PAPPA2: variants seen among roughly 807,000 people sequenced by gnomAD.
PAPPA2 encodes pappalysin-2.
In PAPPA2, 86 loss-of-function variants were observed where a neutral mutation model predicts 176.4. The ratio of observed to expected loss-of-function variants is 0.49; its 90% confidence interval spans 0.41 to 0.58. The LOEUF is 0.58. PAPPA2 is among the 20% of genes least tolerant of loss of function. The pLI is 0.00. For missense variants in PAPPA2, 2,073 were observed against 2,256.9 expected, an observed-to-expected ratio of 0.92 and a Z score of 1.65; for synonymous variants, 809 against 852.2, an observed-to-expected ratio of 0.95 and a Z score of 0.88.
intron 1 of PAPPA2, among the ~76,000 whole-genome samples, chr1:176,471,494 A>G (rs1195621021): frequency 6.6e-6 from 1 of 151,732 alleles, no homozygotes; most frequent in East Asian, 2.0e-4. Flanking sequence ...ATGGATTGTT[A>G]TAAGGCAAGC....
chr1:176,551,940 C>A (rs760151286), intron 1 of PAPPA2, among the ~76,000 whole-genome samples: 6 of 152,024 alleles, frequency 3.9e-5, no homozygotes, highest in Non-Finnish European at 7.4e-5. Flanking sequence ...GGAGGGAAAG[C>A]GGAGGGAAGA....
chr1:176,798,996 T>C (rs767555578), intron 20 of PAPPA2, among the ~76,000 whole-genome samples: 11 of 152,348 alleles, frequency 7.2e-5, no homozygotes, highest in African/African-American at 2.4e-4. Flanking sequence ...TATTAGCATA[T>C]GTGAATGTCT....
intron 14 of PAPPA2, among the ~76,000 whole-genome samples, chr1:176,743,974 T>C (rs955566309): frequency 6.6e-6 from 1 of 152,230 alleles, no homozygotes; most frequent in African/African-American, 2.4e-5. Flanking sequence ...TTTTGACTAC[T>C]CTACTCATCT....
chr1:176,621,112 A>T (rs1655568437), intron 3 of PAPPA2, among the ~76,000 whole-genome samples: 1 of 152,154 alleles, frequency 6.6e-6, no homozygotes, highest in Non-Finnish European at 1.5e-5. Context: ...GACTAAAAGG[A>T]AGCATAACTA....
At chr1:176,735,023 G>A (rs972859728) in intron 12 of PAPPA2, among the ~76,000 whole-genome samples, 3 of 152,054 alleles carry the variant, frequency 2.0e-5, no homozygotes, top group Non-Finnish European at 4.4e-5. Context: ...ACATAATACA[G>A]AGCTTAAATT....
In PAPPA2 at chr1:176,710,304, C is replaced by T. The variant is rs1427207073; in HGVS notation, c.3651+128C>T. The stretch of plus-strand genomic sequence containing the variant: ...GTAAGGAGTTAGAAGCCCTAGGGAA[C>T]ATTACTGGATCTGCCAGCATTGCTA... On this transcript the variant is annotated intron_variant, in intron 11 of 22. Transcript: ENST00000367662. 10 of 798,482 alleles carry T rather than the reference C, an allele frequency of 1.3e-5. No homozygotes were observed. In the African/African-American group the frequency reaches 1.6e-4, roughly 12 times the overall value. 49.5% of individuals were successfully genotyped at this position (798,482 alleles called of 1,614,324 possible). A position where few individuals can be genotyped will look rare whatever the true frequency, so the allele number is the denominator to read the frequency against.
At chr1:176,786,603 C>G (rs1664943592) in intron 17 of PAPPA2, among the ~76,000 whole-genome samples, 1 of 152,206 alleles carries the variant, frequency 6.6e-6, no homozygotes, top group Non-Finnish European at 1.5e-5. Context: ...CACAGGTCAT[C>G]TGAGTGCTCA....
intron 1 of PAPPA2, among the ~76,000 whole-genome samples, chr1:176,477,311 A>G (rs948639384): frequency 6.6e-6 from 1 of 152,170 alleles, no homozygotes; most frequent in Non-Finnish European, 1.5e-5. Context: ...TCAAACAGTT[A>G]CTCATGATCA....
chr1:176,539,004 G>T (rs1198832950), intron 1 of PAPPA2, among the ~76,000 whole-genome samples: 3 of 152,160 alleles, frequency 2.0e-5, no homozygotes, highest in African/African-American at 7.2e-5. Context: ...TCACCCACAT[G>T]CTAATTCCAT....
intron 3 of PAPPA2, among the ~76,000 whole-genome samples, chr1:176,634,947 GTAGATAGA>G (rs60518024): frequency 2.1e-5 from 3 of 144,760 alleles, no homozygotes; most frequent in African/African-American, 5.2e-5. Context: ...TAGATGATAG[GTAGATAGA>G]TAGATAGATA....
chr1:176,695,648 C>T, intron 6 of PAPPA2, 90 bp from the exon 7 acceptor site: 10 of 1,448,296 alleles, frequency 6.9e-6, no homozygotes, highest in South Asian at 6.2e-5. Context: ...AACCCCTGCC[C>T]TCCCCACACA....
chr1:176,559,019 C>A (rs1202733682), intron 2 of PAPPA2, among the ~76,000 whole-genome samples: 1 of 152,172 alleles, frequency 6.6e-6, no homozygotes, highest in Non-Finnish European at 1.5e-5. Flanking sequence ...CAGAGGAAAG[C>A]AGTGTCATGA....
chr1:176,607,161 G>C (rs1418088318), intron 3 of PAPPA2, among the ~76,000 whole-genome samples: 2 of 152,080 alleles, frequency 1.3e-5, no homozygotes, highest in Non-Finnish European at 2.9e-5. Flanking sequence ...GATTAAGTCA[G>C]GGTTTTCGAG....
chr1:176,745,282 A>G (rs1174484409), intron 14 of PAPPA2, among the ~76,000 whole-genome samples: 1 of 152,204 alleles, frequency 6.6e-6, no homozygotes, highest in Non-Finnish European at 1.5e-5. Flanking sequence ...TTGCTGTGAC[A>G]TGCTTGGCCA....
At chr1:176,785,853 A>G (rs1664912254) in intron 17 of PAPPA2, among the ~76,000 whole-genome samples, 1 of 152,206 alleles carries the variant, frequency 6.6e-6, no homozygotes, top group African/African-American at 2.4e-5. Context: ...AAGGAAAGGG[A>G]AGACTATTTC....
intron 2 of PAPPA2, among the ~76,000 whole-genome samples, chr1:176,584,806 C>T (rs185861846): frequency 2.1e-3 from 327 of 152,224 alleles, no homozygotes; most frequent in African/African-American, 7.2e-3. Flanking sequence ...GCCATCTCGG[C>T]GCAGTGCAAC....
intron 2 of PAPPA2, among the ~76,000 whole-genome samples, chr1:176,557,485 T>C (rs1651392119): frequency 6.6e-6 from 1 of 152,192 alleles, no homozygotes; most frequent in Non-Finnish European, 1.5e-5. Context: ...TGTCCTTGTA[T>C]ACATTGTGCT....
At chr1:176,769,542 G>A in intron 15 of PAPPA2, 65 bp from the exon 16 acceptor site, 1 of 1,508,386 alleles carries the variant, frequency 6.6e-7, no homozygotes, top group Non-Finnish European at 9.1e-7. Flanking sequence ...CTCTTCTAAA[G>A]CCTGGAAACT....
intron 12 of PAPPA2, among the ~76,000 whole-genome samples, chr1:176,726,405 T>G (rs1661877961): frequency 6.6e-6 from 1 of 152,236 alleles, no homozygotes; most frequent in African/African-American, 2.4e-5. Flanking sequence ...GATTGTATGT[T>G]CAACACTGAG....
Sources: allele counts gnomAD v4.1 joint callset (sites outside exome capture counted in the v4.1 genomes callset), GRCh38; gene constraint gnomAD v4.1.1; transcripts MANE v1.5; gene names NCBI Gene and HGNC (gene_info 2026-07-23, HGNC 2026-07-21).